The following EFCAB13 variants were observed in gnomAD, a reference collection of about 807,000 sequenced individuals.
EFCAB13 encodes the protein EF-hand calcium-binding domain-containing protein 13.
A neutral mutation model predicts 110.2 loss-of-function variants in EFCAB13; 91 were observed. The observed-to-expected ratio is 0.83, with a 90% CI of 0.70 to 0.98. The LOEUF is 0.98. Ranked by LOEUF, EFCAB13 falls within the 50% of genes least tolerant of loss-of-function variation. The pLI is 0.00. For synonymous variants in EFCAB13, 323 were observed against 369.9 expected (o/e 0.87, Z 1.45); for missense variants, 968 against 1,119.4 (o/e 0.86, Z 1.93).
intron 21 of EFCAB13, 133 bp downstream of exon 21, chr17:47,409,824 T>A: frequency 1.5e-6 from 1 of 676,768 alleles, no homozygotes; most frequent in South Asian, 1.9e-5. Flanking sequence ...ACAATAGTAA[T>A]CTGATCATGT....
chr17:47,376,038 A>G (rs1157554946), intron 12 of EFCAB13, among the ~76,000 whole-genome samples: 1 of 152,214 alleles, frequency 6.6e-6, no homozygotes, highest in East Asian at 1.9e-4. Context: ...ACCCAGTTAA[A>G]GATTTCTTCC....
chr17:47,416,684 A>G (rs1904460944), intron 23 of EFCAB13, among the ~76,000 whole-genome samples: 1 of 152,050 alleles, frequency 6.6e-6, no homozygotes, highest in South Asian at 2.1e-4. Flanking sequence ...AGCATGCAGT[A>G]TTTGGTTTTC....
intron 16 of EFCAB13, among the ~76,000 whole-genome samples, chr17:47,395,259 G>A (rs1270491048): frequency 6.6e-6 from 1 of 152,140 alleles, no homozygotes; most frequent in East Asian, 1.9e-4. Flanking sequence ...AGATTGTACA[G>A]GTTATAAACA....
At position 47,402,182 on chromosome 17, in the gene EFCAB13, C is replaced by G. The variant is rs758376019; in HGVS notation, c.1996C>G (p.Arg666Gly). 1.2e-6 allele frequency: 2 copies of G among 1,613,468 alleles called. No homozygotes were observed. Among genetic ancestry groups the G allele is most frequent in the Non-Finnish European group, 1.7e-6 (2 of 1,179,650 alleles). ...EEFAKVVRNMRDAARLEELQE... is the reference protein window; with the variant it reads ...EEFAKVVRNMGDAARLEELQE... ...ATTTGCAAAAGTAGTAAGGAATATG[C>G]GTGATGCTGCCAGGTTAGAAGGTAA... Residue 666 changes from arginine to glycine, a missense_variant, in exon 18 of 25, where the codon CGT (arginine) becomes GGT (glycine). Physicochemically the swap from Arg to Gly is moderately radical, Grantham distance 125. Coordinates refer to ENST00000331493, the MANE Select transcript of EFCAB13 (RefSeq NM_152347.5).
chr17:47,371,982 C>T (rs1288944892), intron 11 of EFCAB13, among the ~76,000 whole-genome samples: 1 of 152,184 alleles, frequency 6.6e-6, no homozygotes, highest in African/African-American at 2.4e-5. Context: ...CTAATAAAGA[C>T]ATACCCGAGA....
At chr17:47,330,099 G>A (rs1003607696) in intron 4 of EFCAB13, among the ~76,000 whole-genome samples, 4 of 151,682 alleles carry the variant, frequency 2.6e-5, no homozygotes, top group Admixed American at 2.0e-4. Context: ...ACTGGATGCC[G>A]CCAGTTGTCT....
Position 47,344,192 on chromosome 17 carries a change from G to A in EFCAB13, c.334G>A (p.Glu112Lys), listed in dbSNP as rs750288576. Residue 112 changes from glutamate (E) to lysine (K), a missense_variant, in exon 7 of 25, where the codon GAG (glutamate) becomes AAG (lysine). Coordinates refer to ENST00000331493, the MANE Select transcript of EFCAB13 (RefSeq NM_152347.5). ...CCCTCCTTTTCTGAAGCTGTCAAAG[G>A]AGAAGGTGACAAGGAAAGAAAACTC... ...IIPPFLKLSKEKVTRKENSLC... is the reference protein window; with the variant it reads ...IIPPFLKLSKKKVTRKENSLC... The A allele has an allele frequency of 3.7e-6, 6 of 1,613,098 alleles. No homozygotes were observed. The highest frequency in any genetic ancestry group is 1.7e-5 in the Admixed American group (1 of 59,958).
chr17:47,379,073 G>A, intron 13 of EFCAB13, 109 bp from the exon 14 acceptor site: 2 of 728,026 alleles, frequency 2.7e-6, no homozygotes, highest in African/African-American at 3.5e-5. Context: ...GAAATAGGAT[G>A]ATGAAATGAA....
intron 12 of EFCAB13, 77 bp downstream of exon 12, chr17:47,375,043 T>G: frequency 7.1e-7 from 1 of 1,413,656 alleles, no homozygotes; most frequent in East Asian, 2.5e-5. Context: ...TAGATAGTTG[T>G]AAGCATTTCA....
chr17:47,346,813 T>C (rs1162349409), intron 8 of EFCAB13, among the ~76,000 whole-genome samples: 2 of 152,206 alleles, frequency 1.3e-5, no homozygotes, highest in African/African-American at 4.8e-5. Context: ...TCAATATTTT[T>C]TCAGAGAAGC....
At chr17:47,332,611 C>T (rs2065326021) in intron 4 of EFCAB13, among the ~76,000 whole-genome samples, 1 of 151,696 alleles carries the variant, frequency 6.6e-6, no homozygotes, top group Non-Finnish European at 1.5e-5. Flanking sequence ...CTTTCTACTC[C>T]CTGTTTCTAT....
intron 9 of EFCAB13, among the ~76,000 whole-genome samples, chr17:47,351,654 C>T (rs1360641985): frequency 6.6e-6 from 1 of 151,986 alleles, no homozygotes; most frequent in African/African-American, 2.4e-5. Flanking sequence ...TGTCTTTGAT[C>T]TGTTTGAGTT....
intron 17 of EFCAB13, among the ~76,000 whole-genome samples, chr17:47,397,179 T>G (rs1598749162): frequency 6.6e-6 from 1 of 151,606 alleles, no homozygotes; most frequent in African/African-American, 2.4e-5. Context: ...GCCTGACTGG[T>G]TTTCGTATTT....
At chr17:47,333,777 T>C (rs1227723735) in intron 4 of EFCAB13, among the ~76,000 whole-genome samples, 1 of 152,194 alleles carries the variant, frequency 6.6e-6, no homozygotes, top group African/African-American at 2.4e-5. Context: ...TCCTATCCTG[T>C]CCTATTGATT....
intron 3 of EFCAB13, 114 bp from the exon 4 acceptor site, chr17:47,328,155 G>A (rs1038919492): frequency 8.5e-6 from 5 of 589,184 alleles, no homozygotes; most frequent in South Asian, 7.2e-5. Flanking sequence ...GTGAAATGTT[G>A]TGTATCATAC....
At chr17:47,393,489 C>T (rs2065719540) in intron 15 of EFCAB13, among the ~76,000 whole-genome samples, 1 of 152,122 alleles carries the variant, frequency 6.6e-6, no homozygotes. Context: ...TATTCATCCA[C>T]AGAATGTATA....
chr17:47,411,280 A>C (rs1375673300), intron 21 of EFCAB13, among the ~76,000 whole-genome samples: 1 of 152,180 alleles, frequency 6.6e-6, no homozygotes, highest in Non-Finnish European at 1.5e-5. Flanking sequence ...ACTTAGCACA[A>C]TTTAAATTGG....
chr17:47,407,536 A>G (rs1392353278), intron 20 of EFCAB13, among the ~76,000 whole-genome samples: 2 of 152,100 alleles, frequency 1.3e-5, no homozygotes, highest in Non-Finnish European at 2.9e-5. Flanking sequence ...GTAGCATTGA[A>G]TGAGACTATC....
At chr17:47,377,721 C>A in intron 12 of EFCAB13, 45 bp from the exon 13 acceptor site, 1 of 1,478,964 alleles carries the variant, frequency 6.8e-7, no homozygotes. Context: ...GCTTTTGACA[C>A]ATAAATTCTG....
Sources: allele counts gnomAD v4.1 joint callset (sites outside exome capture counted in the v4.1 genomes callset), GRCh38; gene constraint gnomAD v4.1.1; transcripts MANE v1.5; gene names NCBI Gene and HGNC (gene_info 2026-07-23, HGNC 2026-07-21).